The following RBFOX1 variants were observed in gnomAD, a reference collection of about 807,000 sequenced individuals.
RBFOX1 encodes RNA binding protein fox-1 homolog 1.
Under a neutral mutation model 57.7 loss-of-function variants are expected in RBFOX1, and 8 were observed. The observed-to-expected ratio is 0.14, with a 90% confidence interval of 0.08 to 0.25. RBFOX1 has a LOEUF of 0.25. Ranked by LOEUF, RBFOX1 falls within the 10% of genes least tolerant of loss-of-function variation. RBFOX1 has a pLI of 1.00. For synonymous variants in RBFOX1, 326 were observed against 222.4 expected, an observed-to-expected ratio of 1.47 and a Z score of -4.15; for missense variants, 611 against 548.5, an observed-to-expected ratio of 1.11 and a Z score of -1.14.
chr16:6,703,227 A>G (rs980071158), intron 3 of RBFOX1, among the ~76,000 whole-genome samples: 1 of 152,130 alleles, frequency 6.6e-6, no homozygotes, highest in African/African-American at 2.4e-5. Flanking sequence ...TAATGCTTCT[A>G]TTAATTACTT....
chr16:6,831,715 C>T (rs565184654), intron 3 of RBFOX1, among the ~76,000 whole-genome samples: 1 of 152,236 alleles, frequency 6.6e-6, no homozygotes, highest in East Asian at 1.9e-4. Flanking sequence ...CCCCTTCCTC[C>T]ATCTCTTGGG....
intron 2 of RBFOX1, among the ~76,000 whole-genome samples, chr16:6,432,052 C>T (rs1319385255): frequency 2.0e-5 from 3 of 151,838 alleles, no homozygotes; most frequent in Admixed American, 2.0e-4. Context: ...GCCTCTAACT[C>T]CTGAGTTCAA....
intron 4 of RBFOX1, among the ~76,000 whole-genome samples, chr16:5,970,348 T>C (rs929835766): frequency 1.3e-5 from 2 of 152,150 alleles, no homozygotes; most frequent in Admixed American, 1.3e-4. Flanking sequence ...ATTCTAAATA[T>C]TAAACACGTG....
chr16:6,857,662 A>G (rs1397529015), intron 3 of RBFOX1, among the ~76,000 whole-genome samples: 2 of 152,160 alleles, frequency 1.3e-5, no homozygotes, highest in African/African-American at 4.8e-5. Context: ...GCTACATGGA[A>G]ACTTACTCTC....
chr16:6,499,099 C>G (rs1482692673), intron 2 of RBFOX1, among the ~76,000 whole-genome samples: 1 of 152,194 alleles, frequency 6.6e-6, no homozygotes, highest in Non-Finnish European at 1.5e-5. Flanking sequence ...CCGTGGAGCA[C>G]TTTTCAGGGA....
At chr16:5,724,799 A>G (rs534986670) in intron 3 of RBFOX1, among the ~76,000 whole-genome samples, 4 of 152,168 alleles carry the variant, frequency 2.6e-5, no homozygotes, top group Admixed American at 6.5e-5. Flanking sequence ...TCCTTGTTGG[A>G]TATCTACACC....
chr16:7,136,185 A>G (rs1446290803), intron 4 of RBFOX1, among the ~76,000 whole-genome samples: 1 of 152,232 alleles, frequency 6.6e-6, no homozygotes, highest in Non-Finnish European at 1.5e-5. Context: ...GGCATTTCCA[A>G]GGAACAGAAT....
intron 14 of RBFOX1, among the ~76,000 whole-genome samples, chr16:7,686,967 C>A (rs190243894): frequency 6.6e-6 from 1 of 152,080 alleles, no homozygotes; most frequent in South Asian, 2.1e-4. Context: ...GAGAGATTCA[C>A]AGACCTTATC....
chr16:5,461,481 CCCTGCAG>C (rs929433623), intron 1 of RBFOX1, among the ~76,000 whole-genome samples: 4 of 152,092 alleles, frequency 2.6e-5, no homozygotes, highest in African/African-American at 9.7e-5. Context: ...AAACTTTGGG[CCCTGCAG>C]CTGCAACCAA....
At chr16:6,256,147 A>ATATATATG (rs1294597469) in intron 1 of RBFOX1, among the ~76,000 whole-genome samples, 7,676 of 33,656 alleles carry the variant, frequency 0.23, 1,980 homozygotes, top group East Asian at 0.38. Context: ...ATGTGTGTAT[A>ATATATATG]TATATATATA....
rs541840379 is a variant in RBFOX1 at position 7,009,085 on chromosome 16, C to A, written c.-15-42972C>A. The stretch of plus-strand genomic sequence containing the variant: ...CCCTTCCTCCCTCCCTCCCTCCCTC[C>A]CTTCCTCCCTCCCTCCCTCCCTCCC... On this transcript the variant is annotated intron_variant, in intron 3 of 15. Coordinates refer to ENST00000550418, the MANE Select transcript of RBFOX1 (RefSeq NM_018723.4). Among the ~76,000 whole-genome samples the A allele has an allele frequency of 3.1e-3, 35 of 11,332 alleles. 3 individuals carry two copies. The highest frequency in any genetic ancestry group is 0.015 in the East Asian group (3 of 194). 7.4% of individuals were successfully genotyped at this position (11,332 alleles called of 152,430 possible). A position where few individuals can be genotyped will look rare whatever the true frequency, so the allele number is the denominator to read the frequency against.
chr16:7,584,491 C>G (rs780248225), intron 6 of RBFOX1, among the ~76,000 whole-genome samples: 79 of 152,108 alleles, frequency 5.2e-4, no homozygotes, highest in African/African-American at 1.8e-3. Context: ...CAGGGTTTCA[C>G]CAAGTTGGCC....
At chr16:7,201,444 A>G (rs1291808448) in intron 4 of RBFOX1, among the ~76,000 whole-genome samples, 1 of 144,868 alleles carries the variant, frequency 6.9e-6, no homozygotes, top group Non-Finnish European at 1.5e-5. Context: ...GAATGCCACG[A>G]TCTGATTCTT....
chr16:6,881,823 C>T (rs931996898), intron 3 of RBFOX1, among the ~76,000 whole-genome samples: 6 of 151,192 alleles, frequency 4.0e-5, no homozygotes, highest in African/African-American at 9.8e-5. Flanking sequence ...CTTTTATTCT[C>T]CCTATTTTAC....
intron 1 of RBFOX1, among the ~76,000 whole-genome samples, chr16:6,146,645 C>T (rs969461489): frequency 6.6e-6 from 1 of 152,132 alleles, no homozygotes; most frequent in East Asian, 1.9e-4. Context: ...CGATGCTGGG[C>T]ATGGAATAGG....
At chr16:5,649,440 G>T (rs893457381) in intron 3 of RBFOX1, among the ~76,000 whole-genome samples, 28 of 152,112 alleles carry the variant, frequency 1.8e-4, no homozygotes, top group African/African-American at 6.5e-4. Flanking sequence ...AAAGTGCTGG[G>T]ATTACAGGCA....
At chr16:5,570,730 C>T (rs2046252693) in intron 2 of RBFOX1, among the ~76,000 whole-genome samples, 1 of 151,700 alleles carries the variant, frequency 6.6e-6, no homozygotes, top group Admixed American at 6.6e-5. Context: ...ATCCCAGTTA[C>T]TCGGGAGGCT....
intron 1 of RBFOX1, among the ~76,000 whole-genome samples, chr16:6,202,665 C>T (rs1325272187): frequency 6.6e-6 from 1 of 152,034 alleles, no homozygotes; most frequent in African/African-American, 2.4e-5. Context: ...TTGATAAATT[C>T]GGAGGTAACT....
At chr16:7,605,968 T>A (rs2095268669) in intron 9 of RBFOX1, among the ~76,000 whole-genome samples, 1 of 151,746 alleles carries the variant, frequency 6.6e-6, no homozygotes, top group Non-Finnish European at 1.5e-5. Context: ...CCTGATTAGT[T>A]GTTACTACTT....
Sources: allele counts gnomAD v4.1 joint callset (sites outside exome capture counted in the v4.1 genomes callset), GRCh38; gene constraint gnomAD v4.1.1; transcripts MANE v1.5; gene names NCBI Gene and HGNC (gene_info 2026-07-23, HGNC 2026-07-21).